Variants in RREB1 observed in about 807,000 individuals in gnomAD.
The protein encoded by RREB1 is ras responsive element binding protein 1, also known as ras-responsive element-binding protein 1.
In RREB1, 27 loss-of-function variants were observed where a neutral mutation model predicts 117.8. That is an observed-to-expected ratio of 0.23 (90% CI 0.17 to 0.32). RREB1 has a LOEUF of 0.32. Ranked by LOEUF, RREB1 falls within the 10% of genes least tolerant of loss-of-function variation. The pLI is 1.00. For missense variants in RREB1, 2,577 were observed against 2,378.2 expected, an observed-to-expected ratio of 1.08 and a Z score of -1.74; for synonymous variants, 1,298 against 1,026.7, an observed-to-expected ratio of 1.26 and a Z score of -5.05.
At chr6:7,187,023 T>C (rs1334527896) in intron 4 of RREB1, among the ~76,000 whole-genome samples, 2 of 152,220 alleles carry the variant, frequency 1.3e-5, no homozygotes, top group Non-Finnish European at 2.9e-5. Context: ...TGAAACCTGT[T>C]GCAAAATAGC....
rs34074532 is a variant in RREB1 at position 7,192,116 on chromosome 6, ATTTTTTTTTTT to A, written c.425+2811_425+2821del. ...AAAAGGTATTGGATTTTGTCAGATG[ATTTTTTTTTTT>A]TTTTTTTTTTTTTTTTGCATCTATG... is the stretch of plus-strand genomic sequence containing the variant. On this transcript the variant is annotated intron_variant, in intron 6 of 12. Coordinates refer to ENST00000379938, the MANE Select transcript of RREB1 (RefSeq NM_001003699.4). Among the ~76,000 whole-genome samples the A allele has an allele frequency of 6.5e-4, 10 of 15,318 alleles. 1 individual carries two copies. The highest frequency in any genetic ancestry group is 2.2e-3 in the Admixed American group (3 of 1,386). 10.0% of individuals were successfully genotyped at this position (15,318 alleles called of 152,430 possible).
chr6:7,183,939 G>A (rs143192204), intron 4 of RREB1: 60 of 152,306 alleles, frequency 3.9e-4, no homozygotes, highest in African/African-American at 1.4e-3. Context: ...ATGCTGACAA[G>A]GGTGCCAGAT....
chr6:7,189,735 G>C (rs1193053079), intron 6 of RREB1, among the ~76,000 whole-genome samples: 3 of 152,066 alleles, frequency 2.0e-5, no homozygotes, highest in African/African-American at 7.2e-5. Flanking sequence ...AAAAAGTCTG[G>C]GACCTTTTAA....
intron 1 of RREB1, among the ~76,000 whole-genome samples, chr6:7,150,869 C>T (rs550656835): frequency 9.2e-5 from 14 of 152,286 alleles, no homozygotes; most frequent in African/African-American, 2.9e-4. Context: ...TAACATCCGC[C>T]GGGTAGGCGG....
chr6:7,169,333 C>A (rs938963930), intron 1 of RREB1, among the ~76,000 whole-genome samples: 2 of 152,232 alleles, frequency 1.3e-5, no homozygotes, highest in Non-Finnish European at 2.9e-5. Flanking sequence ...GGCCCTCTGC[C>A]CCTGTGGTCC....
intron 7 of RREB1, 58 bp from the exon 8 acceptor site, chr6:7,211,515 T>TC (rs1766602817): frequency 6.5e-7 from 1 of 1,535,188 alleles, no homozygotes; most frequent in Non-Finnish European, 9.0e-7. Flanking sequence ...TGGCCTCTCT[T>TC]CCGAAGCCAT....
intron 1 of RREB1, among the ~76,000 whole-genome samples, chr6:7,169,327 C>G (rs1764104105): frequency 6.6e-6 from 1 of 152,238 alleles, no homozygotes; most frequent in Non-Finnish European, 1.5e-5. Context: ...CCTGTGGGCC[C>G]TCTGCCCCTG....
At position 7,231,905 on chromosome 6, in the gene RREB1, C is replaced by T; in HGVS notation, c.3806C>T (p.Thr1269Ile). The T allele has an allele frequency of 6.3e-7, 1 of 1,591,856 alleles. No homozygotes were observed. The highest frequency in any genetic ancestry group is 8.6e-7 in the Non-Finnish European group (1 of 1,166,050). ...CTACAGAGGCACATGCTCACACACA[C>T]TGGTAAGAGGGCCACCGGGCTCCCA... The part of the protein sequence containing the change: ...SSLQRHMLTH[T>I]GQKPFPCQKC... The change falls in exon 10 of 13, where the codon ACT becomes ATT. Residue 1269 changes from threonine (T) to isoleucine (I), a missense_variant and splice_region_variant. Physicochemically the swap from Thr to Ile is moderately conservative, Grantham distance 89. Transcript: ENST00000379938.
chr6:7,246,108 CCT>C (rs1207434222), intron 11 of RREB1, among the ~76,000 whole-genome samples: 3 of 152,232 alleles, frequency 2.0e-5, no homozygotes, highest in East Asian at 1.9e-4. Context: ...TCTCGCAGCC[CCT>C]GTCTGCCCTG....
At chr6:7,157,700 A>G (rs1454760271) in intron 1 of RREB1, among the ~76,000 whole-genome samples, 4 of 151,844 alleles carry the variant, frequency 2.6e-5, no homozygotes, top group Admixed American at 2.0e-4. Context: ...GATCCTGGAA[A>G]GTCAGGGCTG....
At position 7,246,942 on chromosome 6, in the gene RREB1, G is replaced by A. The variant is rs1057135610; in HGVS notation, c.4492G>A (p.Glu1498Lys). The change falls in exon 12 of 13, where the codon GAG (glutamate) becomes AAG (lysine). Residue 1498 changes from glutamate (E) to lysine (K), a missense_variant. Transcript: ENST00000379938. ...EGPQPAPEQE[E>K]KPPETPAEVV... Reference sequence around the variant, plus strand: ...GCCCCAGCCCGCCCCTGAACAGGAGGAGAAGCCCCCCGAGACCCCGGCAGA... The same window carrying A: ...GCCCCAGCCCGCCCCTGAACAGGAGAAGAAGCCCCCCGAGACCCCGGCAGA... 3 of 1,558,882 alleles carry A rather than the reference G, an allele frequency of 1.9e-6. No individual in the cohort carries two copies. Among genetic ancestry groups the A allele is most frequent in the Admixed American group, 1.9e-5 (1 of 51,554 alleles).
At chr6:7,132,543 C>T (rs1762196721) in intron 1 of RREB1, among the ~76,000 whole-genome samples, 2 of 152,218 alleles carry the variant, frequency 1.3e-5, no homozygotes, top group African/African-American at 4.8e-5. Context: ...ATACTAGGTG[C>T]TCAGTCAGTA....
At chr6:7,224,515 G>A (rs1425094415) in intron 8 of RREB1, among the ~76,000 whole-genome samples, 1 of 151,928 alleles carries the variant, frequency 6.6e-6, no homozygotes, top group African/African-American at 2.4e-5. Flanking sequence ...GAGCATGGGG[G>A]AAATGAAGTG....
chr6:7,124,319 C>T (rs1339877458), intron 1 of RREB1, among the ~76,000 whole-genome samples: 1 of 151,660 alleles, frequency 6.6e-6, no homozygotes, highest in Non-Finnish European at 1.5e-5. Context: ...ATTGGGGAGG[C>T]GGTGTGGTTA....
chr6:7,226,564 C>A lies in RREB1; in HGVS notation c.805C>A (p.Pro269Thr), dbSNP rs766100031. The A allele has an allele frequency of 3.1e-6, 5 of 1,614,144 alleles. No homozygotes were observed. The South Asian group carries it at 4.4e-5, about 14-fold the overall frequency. ...KQLPRDAMGR[P>T]FIQNNPSIPA... is the part of the protein sequence containing the mutation. ...ACTTCCCAGGGATGCAATGGGCAGA[C>A]CTTTCATACAGAACAACCCTTCAAT... The change falls in exon 9 of 13, where the codon CCT becomes ACT. Residue 269 changes from proline (P) to threonine (T), a missense_variant. By Grantham distance (38) the Pro-to-Thr change is conservative. Coordinates refer to ENST00000379938, the MANE Select transcript of RREB1 (RefSeq NM_001003699.4).
chr6:7,206,687 G>T (rs1766291948), intron 6 of RREB1, among the ~76,000 whole-genome samples: 2 of 152,200 alleles, frequency 1.3e-5, no homozygotes, highest in African/African-American at 4.8e-5. Flanking sequence ...CTGAATTGTG[G>T]GTGTAAGAGC....
At chr6:7,196,150 C>T (rs980952368) in intron 6 of RREB1, among the ~76,000 whole-genome samples, 2 of 151,538 alleles carry the variant, frequency 1.3e-5, no homozygotes, top group Non-Finnish European at 2.9e-5. Context: ...CCCAGCCCTC[C>T]GGTGTTGCCT....
chr6:7,131,084 G>A (rs927264753), intron 1 of RREB1, among the ~76,000 whole-genome samples: 17 of 151,230 alleles, frequency 1.1e-4, no homozygotes, highest in Admixed American at 5.3e-4. Flanking sequence ...GACTACAGGC[G>A]CCCGCCACTG....
chr6:7,174,899 G>A (rs1231670864), intron 1 of RREB1, among the ~76,000 whole-genome samples: 1 of 152,038 alleles, frequency 6.6e-6, no homozygotes, highest in Non-Finnish European at 1.5e-5. Context: ...GTGAGCCACC[G>A]CGCCTGGCCT....
Sources: allele counts gnomAD v4.1 joint callset (sites outside exome capture counted in the v4.1 genomes callset), GRCh38; gene constraint gnomAD v4.1.1; transcripts MANE v1.5; gene names NCBI Gene and HGNC (gene_info 2026-07-23, HGNC 2026-07-21).